The following BANP variants were observed in gnomAD, a reference collection of about 807,000 sequenced individuals.
BANP encodes protein BANP.
A neutral mutation model predicts 68.1 loss-of-function variants in BANP; 11 were observed. That is an observed-to-expected ratio of 0.16 (90% CI 0.10 to 0.27). BANP has a LOEUF of 0.27. BANP is among the 10% of genes least tolerant of loss of function. The pLI is 1.00. For synonymous variants in BANP, 329 were observed against 303.2 expected (o/e 1.09, Z -0.88); for missense variants, 504 against 722.7 (o/e 0.70, Z 3.47).
chr16:87,954,524 G>A (rs1157751643), intron 1 of BANP, among the ~76,000 whole-genome samples: 1 of 152,232 alleles, frequency 6.6e-6, no homozygotes. Flanking sequence ...TTCCCCTCGG[G>A]TGATTGGGAG....
Position 88,057,416 on chromosome 16 carries a change from G to A in BANP, c.1312-7851G>A, listed in dbSNP as rs549207886. 3.9e-5 allele frequency among the ~76,000 whole-genome samples: 6 copies of A among 152,242 alleles called. No homozygotes were observed. In the East Asian group the frequency reaches 1.2e-3, roughly 30 times the overall value. On this transcript the variant is annotated intron_variant, in intron 11 of 13. Transcript: ENST00000682872. The surrounding 1 kb of genome is among the most constrained non-coding windows in gnomAD (Gnocchi z 4.6). ...CAGGATTCCTGGCCTCCAGAGGAAG[G>A]ATGGTGGCTGAAGGTGAGCCTTCTC... is the stretch of plus-strand genomic sequence containing the variant.
chr16:88,015,944 C>T (rs1357538555), intron 6 of BANP, among the ~76,000 whole-genome samples: 2 of 152,248 alleles, frequency 1.3e-5, no homozygotes, highest in African/African-American at 4.8e-5. Flanking sequence ...GATGGTGTCA[C>T]CCTGGCCTGC....
intron 1 of BANP, chr16:87,952,475 G>T (rs191737955): frequency 6.6e-6 from 1 of 152,344 alleles, no homozygotes; most frequent in African/African-American, 2.4e-5. Context: ...GCCTGATGGC[G>T]ATGCTGGAAC....
At chr16:87,979,927 C>T (rs1033790785) in intron 2 of BANP, among the ~76,000 whole-genome samples, 1 of 152,130 alleles carries the variant, frequency 6.6e-6, no homozygotes, top group African/African-American at 2.4e-5. Flanking sequence ...AAGACCTCAT[C>T]TCTTAAAAAA....
rs57612532 is a variant in BANP at position 88,033,559 on chromosome 16, C to T, written c.1200+314C>T. On this transcript the variant is annotated intron_variant, in intron 9 of 13. Transcript: ENST00000682872. ...GGGTCAGGCCGTGCGGTGGTCCCTG[C>T]CCCAGCTCGTGCTCCTGGGAAACAT... Among the ~76,000 whole-genome samples the T allele has an allele frequency of 9.1e-3, 1,379 of 152,306 alleles. 23 individuals are homozygous for T. Among genetic ancestry groups the T allele is most frequent in the African/African-American group, 0.032 (1,327 of 41,572 alleles).
intron 11 of BANP, among the ~76,000 whole-genome samples, chr16:88,061,412 A>G (rs186631892): frequency 1.3e-4 from 20 of 152,314 alleles, no homozygotes; most frequent in African/African-American, 4.8e-4. Context: ...CAGGAGAAGC[A>G]GGTTTCTGCA....
At chr16:88,024,802 C>G (rs1282742741) in intron 7 of BANP, among the ~76,000 whole-genome samples, 1 of 152,270 alleles carries the variant, frequency 6.6e-6, no homozygotes, top group Non-Finnish European at 1.5e-5. Context: ...ACAATGGAAA[C>G]TCGGTGGCGG....
At chr16:87,996,448 C>G (rs74808916) in intron 4 of BANP, among the ~76,000 whole-genome samples, 3 of 145,388 alleles carry the variant, frequency 2.1e-5, no homozygotes, top group Non-Finnish European at 3.1e-5. Flanking sequence ...GCTGGGCCCT[C>G]GTCCGGGTGC....
chr16:88,039,612 T>C (rs62046864), intron 11 of BANP, among the ~76,000 whole-genome samples: 92,814 of 139,654 alleles, frequency 0.66, 36,988 homozygotes, highest in East Asian at 0.83. Context: ...TACACTGTAT[T>C]ACTGCAGTGC....
intron 4 of BANP, among the ~76,000 whole-genome samples, chr16:87,988,762 G>A (rs1402531813): frequency 2.6e-5 from 4 of 152,262 alleles, no homozygotes; most frequent in African/African-American, 4.8e-5. Context: ...CGAGGCCCCC[G>A]GAGAGAGTGC....
intron 3 of BANP, among the ~76,000 whole-genome samples, chr16:87,983,819 C>T (rs556260036): frequency 1.3e-5 from 2 of 152,150 alleles, no homozygotes; most frequent in Admixed American, 6.5e-5. Context: ...TGCAACTGCA[C>T]GTAGAAGTGA....
At chr16:88,033,948 T>G (rs1302162240) in intron 9 of BANP, among the ~76,000 whole-genome samples, 1 of 152,104 alleles carries the variant, frequency 6.6e-6, no homozygotes, top group Non-Finnish European at 1.5e-5. Context: ...ACTAGAAATT[T>G]TACATGCACC....
chr16:88,046,034 C>T (rs555258552), intron 11 of BANP, among the ~76,000 whole-genome samples: 4 of 152,322 alleles, frequency 2.6e-5, no homozygotes, highest in South Asian at 2.1e-4. Context: ...CAGGGAGGGG[C>T]GGTGCACATC....
intron 8 of BANP, among the ~76,000 whole-genome samples, chr16:88,028,735 G>A (rs11864820): frequency 0.048 from 7,379 of 152,238 alleles, 205 homozygotes; most frequent in African/African-American, 0.072. Flanking sequence ...ATTGAAATGC[G>A]GCTGTAGGAA....
intron 4 of BANP, among the ~76,000 whole-genome samples, chr16:87,999,223 T>A: frequency 8.1e-6 from 1 of 122,716 alleles, no homozygotes; most frequent in East Asian, 2.8e-4. Context: ...TCCAGACACG[T>A]CTCCATGCAC....
intron 10 of BANP, chr16:88,037,253 T>A (rs2079592343): frequency 6.6e-6 from 1 of 152,244 alleles, no homozygotes; most frequent in Non-Finnish European, 1.5e-5. Context: ...TATCCATCAG[T>A]TTTCAAAACT....
intron 1 of BANP, among the ~76,000 whole-genome samples, chr16:87,964,972 T>G (rs1048085326): frequency 9.2e-5 from 14 of 152,234 alleles, no homozygotes; most frequent in Non-Finnish European, 1.6e-4. Context: ...GGTGGTGTGG[T>G]GTGAGGCCTG....
rs1567718769 is a variant in BANP, at chr16:88,002,998, C to T, written c.363-1297C>T. Among the ~76,000 whole-genome samples, 2 of 152,278 alleles carry T rather than the reference C, an allele frequency of 1.3e-5. No homozygotes were observed. The highest frequency in any genetic ancestry group is 1.9e-4 in the East Asian group (1 of 5,180). ...CCCGGGGCCACCAGTGTTCCATAGC[C>T]TCCACTTGGGGAACATACCAAGCTC... is the stretch of plus-strand genomic sequence containing the variant. On this transcript the variant is annotated intron_variant, in intron 4 of 13. Transcript: ENST00000682872. The surrounding 1 kb of genome is among the most constrained non-coding windows in gnomAD (Gnocchi z 4.6).
chr16:88,022,791 G>T (rs953771282), intron 7 of BANP, among the ~76,000 whole-genome samples: 8 of 152,276 alleles, frequency 5.3e-5, no homozygotes, highest in African/African-American at 1.7e-4. Context: ...GTCTCTGGCC[G>T]CATCCCCCTC....
Sources: allele counts gnomAD v4.1 joint callset (sites outside exome capture counted in the v4.1 genomes callset), GRCh38; gene constraint gnomAD v4.1.1; non-coding constraint Gnocchi (gnomAD v3.1); transcripts MANE v1.5; gene names NCBI Gene and HGNC (gene_info 2026-07-23, HGNC 2026-07-21).